The following SDR42E2 variants were observed in gnomAD, a reference collection of about 807,000 sequenced individuals.
SDR42E2 encodes the protein short chain dehydrogenase/reductase family 42E, member 2, also known as putative short-chain dehydrogenase/reductase family 42E member 2.
A neutral mutation model predicts 10.5 loss-of-function variants in SDR42E2; 20 were observed. The observed-to-expected ratio is 1.90, with a 90% CI of 1.34 to 2.77. The LOEUF (loss-of-function observed/expected upper bound fraction) is 2.77, where lower values mean the gene tolerates loss of function less well. SDR42E2 is among the 30% of genes most tolerant of loss of function. The probability of loss-of-function intolerance (pLI) is 0.00; values close to 1 mark genes in which losing one functional copy is unlikely to be tolerated. For synonymous variants in SDR42E2, 72 were observed against 39.2 expected, an observed-to-expected ratio of 1.84 and a Z score of -3.12; for missense variants, 162 against 104.2, an observed-to-expected ratio of 1.55 and a Z score of -2.42.
Position 22,186,504 on chromosome 16 carries a change from G to C in SDR42E2, c.941-217G>C, listed in dbSNP as rs1173913738. 2.6e-5 allele frequency among the ~76,000 whole-genome samples: 4 copies of C among 152,196 alleles called. No individual in the cohort carries two copies. In the East Asian group the frequency reaches 5.8e-4, roughly 22 times the overall value. On this transcript the variant is annotated intron_variant, in intron 11 of 12. Coordinates refer to ENST00000602312, the MANE Select transcript of SDR42E2 (RefSeq NM_001394319.2). Reference sequence around the variant, plus strand: ...TTACAGGCTTGAGCCACTGCACCCAGCCTGGTCATTTAATATTAAAAACAA... The same window carrying C: ...TTACAGGCTTGAGCCACTGCACCCACCCTGGTCATTTAATATTAAAAACAA...
At chr16:22,174,371 A>G (rs1433305931) in intron 7 of SDR42E2, among the ~76,000 whole-genome samples, 1 of 151,978 alleles carries the variant, frequency 6.6e-6, no homozygotes, top group African/African-American at 2.4e-5. Context: ...CAGGTGAGAA[A>G]ACAGACAGAT....
At chr16:22,170,650 TC>T (rs1410729810) in intron 5 of SDR42E2, among the ~76,000 whole-genome samples, 182 bp from the exon 6 acceptor site, 2 of 152,044 alleles carry the variant, frequency 1.3e-5, no homozygotes, top group Admixed American at 6.6e-5. Flanking sequence ...AGGAGACTCT[TC>T]CCTCCTGAAC....
chr16:22,179,830 AG>A, intron 8 of SDR42E2, among the ~76,000 whole-genome samples: 1 of 151,236 alleles, frequency 6.6e-6, no homozygotes, highest in Admixed American at 6.6e-5. Flanking sequence ...AAAAAAAAAA[AG>A]AAGATTCCAG....
Position 22,184,259 on chromosome 16 carries a change from G to A in SDR42E2, c.940+15G>A, listed in dbSNP as rs542673426. On this transcript the variant is annotated intron_variant, in intron 11 of 12. Transcript: ENST00000602312. ...TTACCTGACAGGTAAGGAAAGGAGT[G>A]TGCGTAGTAAAGCCCTCCATGTGCC... is the stretch of plus-strand genomic sequence containing the variant. 2 of 401,286 alleles carry A rather than the reference G, an allele frequency of 5.0e-6. No homozygotes were observed. The highest frequency in any genetic ancestry group is 7.1e-5 in the East Asian group (2 of 28,068). The allele number at this position is 401,286 out of a possible 1,614,324, so 24.9% of individuals were successfully genotyped here.
chr16:22,166,089 G>A (rs1267265417), intron 2 of SDR42E2, among the ~76,000 whole-genome samples, 161 bp from the exon 3 acceptor site: 2 of 144,920 alleles, frequency 1.4e-5, no homozygotes, highest in Admixed American at 6.8e-5. Context: ...GAGCTGGATC[G>A]GTACCTGGGC....
chr16:22,169,696 C>A (rs1352520836), intron 5 of SDR42E2, among the ~76,000 whole-genome samples, 194 bp downstream of exon 5: 1 of 152,138 alleles, frequency 6.6e-6, no homozygotes, highest in African/African-American at 2.4e-5. Context: ...AACATGGGGA[C>A]CAGAGTTACC....
At chr16:22,170,181 C>T (rs1301730830) in intron 5 of SDR42E2, among the ~76,000 whole-genome samples, 2 of 151,894 alleles carry the variant, frequency 1.3e-5, no homozygotes, top group African/African-American at 2.4e-5. Flanking sequence ...ACGAAGAGAT[C>T]CCATCTCTAC....
chr16:22,166,830 G>A, intron 3 of SDR42E2, 74 bp from the exon 4 acceptor site: 1 of 478,422 alleles, frequency 2.1e-6, no homozygotes, highest in Non-Finnish European at 3.8e-6. Flanking sequence ...TCTGAGACCA[G>A]GCAAGGTGCA....
At chr16:22,179,062 T>C (rs1255862351) in intron 8 of SDR42E2, among the ~76,000 whole-genome samples, 1 of 152,162 alleles carries the variant, frequency 6.6e-6, no homozygotes, top group Non-Finnish European at 1.5e-5. Flanking sequence ...GGTGTGATCA[T>C]GGCTCACTGC....
chr16:22,175,202 G>A (rs1406608932), intron 7 of SDR42E2, among the ~76,000 whole-genome samples: 1 of 152,128 alleles, frequency 6.6e-6, no homozygotes. Context: ...GCTGACACCT[G>A]TAATCCCAGC....
intron 12 of SDR42E2, among the ~76,000 whole-genome samples, chr16:22,187,676 G>A (rs2046745251): frequency 6.6e-6 from 1 of 151,868 alleles, no homozygotes; most frequent in Admixed American, 6.6e-5. Context: ...CACCATGCCT[G>A]GCTCAGAATA....
intron 8 of SDR42E2, among the ~76,000 whole-genome samples, chr16:22,179,106 G>A (rs1052814625): frequency 2.0e-5 from 3 of 152,090 alleles, no homozygotes; most frequent in African/African-American, 7.2e-5. Context: ...CGATCCTCCT[G>A]CCTTCTGAGT....
chr16:22,174,482 A>G (rs2046627754), intron 7 of SDR42E2, among the ~76,000 whole-genome samples: 3 of 152,120 alleles, frequency 2.0e-5, no homozygotes. Flanking sequence ...ATCACTGTGC[A>G]GTGCTGCAGC....
chr16:22,163,994 G>T (rs2046515644), intron 1 of SDR42E2, among the ~76,000 whole-genome samples: 1 of 149,238 alleles, frequency 6.7e-6, no homozygotes, highest in African/African-American at 2.5e-5. Flanking sequence ...CTAGCACATG[G>T]TTGCTGTTGT....
At chr16:22,172,112 G>A (rs1238662217) in intron 6 of SDR42E2, 144 bp from the exon 7 acceptor site, 1 of 634,042 alleles carries the variant, frequency 1.6e-6, no homozygotes, top group Non-Finnish European at 2.9e-6. Context: ...CCCACCCAGG[G>A]GGAGAGGAAA....
In SDR42E2 at chr16:22,190,782, G is replaced by GCA. The variant is rs2046769666; in HGVS notation, c.*391_*392dup. ...GCCCTTGACCCGCCCTTCAAATTGG[G>GCA]CACGCCTTCTTCCCCGCTCACTGAT... On this transcript the variant is annotated 3_prime_UTR_variant, in exon 13 of 13. Transcript: ENST00000602312. The GCA allele has an allele frequency of 5.2e-6, 1 of 191,962 alleles. No homozygotes were observed. The highest frequency in any genetic ancestry group is 6.2e-5 in the Admixed American group (1 of 16,252). The allele number at this position is 191,962 out of a possible 1,614,324, so 11.9% of individuals were successfully genotyped here.
chr16:22,177,258 C>G (rs1451832109), intron 7 of SDR42E2, among the ~76,000 whole-genome samples: 2 of 152,244 alleles, frequency 1.3e-5, no homozygotes, highest in African/African-American at 4.8e-5. Context: ...GTCCTTGTCT[C>G]TTAGATATCT....
chr16:22,171,116 T>G (rs1174261575), intron 6 of SDR42E2, among the ~76,000 whole-genome samples, 165 bp downstream of exon 6: 6 of 152,204 alleles, frequency 3.9e-5, no homozygotes, highest in Non-Finnish European at 8.8e-5. Context: ...TTTCAGTTGG[T>G]CACACCTGCA....
intron 11 of SDR42E2, 132 bp downstream of exon 11, chr16:22,184,376 C>A: frequency 5.3e-6 from 2 of 373,928 alleles, no homozygotes; most frequent in Non-Finnish European, 9.5e-6. Context: ...CTGAGGCAGG[C>A]AGATCACCTG....
Sources: gnomAD v4.1 joint callset for allele counts (sites outside exome capture counted in the v4.1 genomes callset) on GRCh38, gnomAD v4.1.1 for gene constraint, MANE v1.5 for transcripts, NCBI Gene and HGNC (gene_info 2026-07-23, HGNC 2026-07-21) for gene names.